The following GALNT13 variants were observed in gnomAD, a reference collection of about 807,000 sequenced individuals.
The protein encoded by GALNT13 is UDP-GalNAc:polypeptide N-acetylgalactosaminyltransferase 13.
In GALNT13, 28 loss-of-function variants were observed where a neutral mutation model predicts 64.2. The ratio of observed to expected loss-of-function variants is 0.44; its 90% CI spans 0.32 to 0.60. The LOEUF (loss-of-function observed/expected upper bound fraction) is 0.60. GALNT13 is among the 20% of genes least tolerant of loss of function. The pLI is 0.05. For synonymous variants in GALNT13, 214 were observed against 224.6 expected, an observed-to-expected ratio of 0.95 and a Z score of 0.42; for missense variants, 577 against 669.8, an observed-to-expected ratio of 0.86 and a Z score of 1.53.
At chr2:153,297,225 C>T in the GALNT13 span, among the ~76,000 whole-genome samples, 1 of 152,138 alleles carries the variant, frequency 6.6e-6, no homozygotes, top group African/African-American at 2.4e-5. Flanking sequence ...TTGAAGGCAG[C>T]TGCTTTTTTT....
intron 9 of GALNT13, among the ~76,000 whole-genome samples, chr2:154,377,681 A>G (rs1698066413): frequency 6.6e-6 from 1 of 152,172 alleles, no homozygotes; most frequent in African/African-American, 2.4e-5. Flanking sequence ...ATCATTTATT[A>G]TCTAATATGT....
the GALNT13 span, among the ~76,000 whole-genome samples, chr2:153,604,358 T>C: frequency 2.6e-5 from 4 of 152,160 alleles, no homozygotes; most frequent in East Asian, 7.7e-4. Context: ...TTTATGTAAA[T>C]AGAGCTGTTG....
chr2:153,345,712 T>TTCCTTCCTTCCTTC, the GALNT13 span, among the ~76,000 whole-genome samples: 4 of 127,136 alleles, frequency 3.1e-5, no homozygotes, highest in Admixed American at 8.7e-5. Context: ...TCTCTTTCTC[T>TTCCTTCCTTCCTTC]CTTTCTGTCC....
upstream of GALNT13, among the ~76,000 whole-genome samples, chr2:153,871,618 G>A (rs1204773117): frequency 6.6e-6 from 1 of 152,170 alleles, no homozygotes; most frequent in East Asian, 1.9e-4. Context: ...GGCGCCCTCC[G>A]GCGAGAGGAG....
chr2:153,927,072 G>A (rs762406893), intron 2 of GALNT13, among the ~76,000 whole-genome samples: 1 of 151,920 alleles, frequency 6.6e-6, no homozygotes, highest in African/African-American at 2.4e-5. Context: ...TCAATATGGG[G>A]TATTTAAAAC....
chr2:153,689,107 G>A, the GALNT13 span, among the ~76,000 whole-genome samples: 14 of 110,272 alleles, frequency 1.3e-4, no homozygotes, highest in South Asian at 2.5e-3. Context: ...TGTGTTTAGC[G>A]TTAGTAGATA....
the GALNT13 span, among the ~76,000 whole-genome samples, chr2:153,140,922 G>C: frequency 1.3e-5 from 2 of 151,874 alleles, no homozygotes; most frequent in Admixed American, 6.6e-5. Flanking sequence ...ACACCTTTCA[G>C]TATTTTTACA....
At chr2:153,399,000 T>C in the GALNT13 span, among the ~76,000 whole-genome samples, 5 of 118,460 alleles carry the variant, frequency 4.2e-5, no homozygotes, top group South Asian at 6.6e-4. Flanking sequence ...TCCTTGCCCA[T>C]GCCTATGTCC....
At chr2:153,902,245 CT>C (rs1421424527) in intron 2 of GALNT13, among the ~76,000 whole-genome samples, 1 of 150,906 alleles carries the variant, frequency 6.6e-6, no homozygotes, top group Non-Finnish European at 1.5e-5. Context: ...TCCCACACTA[CT>C]TTTGGTTTTG....
chr2:153,459,463 AAAAAC>A, the GALNT13 span, among the ~76,000 whole-genome samples: 38 of 152,162 alleles, frequency 2.5e-4, no homozygotes, highest in Admixed American at 2.5e-3. Flanking sequence ...ACAATACAAA[AAAAAC>A]AAAACCAACC....
At chr2:154,227,213 TG>T (rs1469954127) in intron 4 of GALNT13, among the ~76,000 whole-genome samples, 4 of 152,058 alleles carry the variant, frequency 2.6e-5, no homozygotes, top group Non-Finnish European at 2.9e-5. Flanking sequence ...GCTGATGATG[TG>T]GGGAGGGGCT....
At chr2:153,205,083 T>C in the GALNT13 span, among the ~76,000 whole-genome samples, 1 of 152,136 alleles carries the variant, frequency 6.6e-6, no homozygotes, top group Non-Finnish European at 1.5e-5. Flanking sequence ...GAAGGGAACA[T>C]GATACTCATG....
chr2:153,148,154 A>G, the GALNT13 span, among the ~76,000 whole-genome samples: 1 of 152,042 alleles, frequency 6.6e-6, no homozygotes, highest in South Asian at 2.1e-4. Context: ...AAGAAATACA[A>G]TAGACATAAT....
At chr2:153,341,237 G>T in the GALNT13 span, among the ~76,000 whole-genome samples, 3 of 152,118 alleles carry the variant, frequency 2.0e-5, no homozygotes, top group African/African-American at 2.4e-5. Context: ...TATAATATTT[G>T]CTAGGAGTAG....
chr2:153,521,706 TC>T, the GALNT13 span, among the ~76,000 whole-genome samples: 2 of 152,176 alleles, frequency 1.3e-5, no homozygotes, highest in African/African-American at 4.8e-5. Context: ...TGTTCCTCTC[TC>T]CCTCTACTCC....
At chr2:153,521,386 A>G in the GALNT13 span, among the ~76,000 whole-genome samples, 3 of 152,130 alleles carry the variant, frequency 2.0e-5, no homozygotes, top group Non-Finnish European at 4.4e-5. Flanking sequence ...TTAAAAGACT[A>G]TTTTTGAGTA....
the GALNT13 span, among the ~76,000 whole-genome samples, chr2:153,712,007 T>C: frequency 1.3e-5 from 2 of 152,200 alleles, no homozygotes; most frequent in Non-Finnish European, 2.9e-5. Context: ...GTTAGTTCTT[T>C]TGACACAACC....
chr2:153,655,297 G>C, the GALNT13 span, among the ~76,000 whole-genome samples: 1 of 152,076 alleles, frequency 6.6e-6, no homozygotes, highest in Non-Finnish European at 1.5e-5. Flanking sequence ...CTATCAAGCA[G>C]ATAATTTCAT....
chr2:153,662,780 T>C, the GALNT13 span, among the ~76,000 whole-genome samples: 1 of 152,212 alleles, frequency 6.6e-6, no homozygotes, highest in Admixed American at 6.5e-5. Flanking sequence ...GAAGCAAACA[T>C]GCTTAGAAAG....
Sources: allele counts gnomAD v4.1 joint callset (sites outside exome capture counted in the v4.1 genomes callset), GRCh38; gene constraint gnomAD v4.1.1; transcripts MANE v1.5; gene names NCBI Gene and HGNC (gene_info 2026-07-23, HGNC 2026-07-21).